SUPT3H: variants seen among roughly 807,000 people sequenced by gnomAD.
SUPT3H encodes the protein SPT3 homolog, SAGA and STAGA complex component.
Under a neutral mutation model 44.3 loss-of-function variants are expected in SUPT3H, and 44 were observed. The observed-to-expected ratio is 0.99, with a 90% CI of 0.78 to 1.28. SUPT3H has a LOEUF of 1.28. Among genes scored for constraint, SUPT3H ranks in the 50% most tolerant of loss-of-function variants. SUPT3H has a pLI of 0.00. For synonymous variants in SUPT3H, 124 were observed against 125.6 expected (o/e 0.99, Z 0.09); for missense variants, 380 against 387.1 (o/e 0.98, Z 0.15).
At chr6:45,231,457 C>G (rs1292939642) in intron 2 of SUPT3H, among the ~76,000 whole-genome samples, 1 of 152,190 alleles carries the variant, frequency 6.6e-6, no homozygotes, top group Non-Finnish European at 1.5e-5. Flanking sequence ...ACTGAGAAAG[C>G]TGCTCTTAGT....
At chr6:45,353,356 G>A (rs1405237330) in intron 2 of SUPT3H, among the ~76,000 whole-genome samples, 3 of 151,984 alleles carry the variant, frequency 2.0e-5, no homozygotes, top group Non-Finnish European at 2.9e-5. Flanking sequence ...AAAAAGAAAA[G>A]TTATGCGGAT....
At chr6:45,024,816 G>A (rs1785711840) in intron 3 of SUPT3H, among the ~76,000 whole-genome samples, 1 of 152,178 alleles carries the variant, frequency 6.6e-6, no homozygotes, top group Non-Finnish European at 1.5e-5. Context: ...ATCAGTTGAA[G>A]ACATGGATAG....
chr6:44,904,866 C>T (rs190008685), intron 10 of SUPT3H, among the ~76,000 whole-genome samples: 2 of 152,126 alleles, frequency 1.3e-5, no homozygotes, highest in East Asian at 3.9e-4. Flanking sequence ...AATAATGCCA[C>T]ATATCTACAA....
intron 10 of SUPT3H, among the ~76,000 whole-genome samples, chr6:44,838,196 A>G (rs1473582149): frequency 3.3e-5 from 5 of 152,236 alleles, no homozygotes; most frequent in Non-Finnish European, 7.3e-5. Flanking sequence ...GATTTTAGCC[A>G]AAAGGCTGAG....
intron 3 of SUPT3H, among the ~76,000 whole-genome samples, chr6:45,053,986 T>A (rs1267753445): frequency 1.3e-5 from 2 of 150,252 alleles, no homozygotes; most frequent in Non-Finnish European, 3.0e-5. Flanking sequence ...AGGTGACAGG[T>A]GAGCTCGCCT....
At chr6:45,318,892 T>C (rs1380457721) in intron 2 of SUPT3H, among the ~76,000 whole-genome samples, 1 of 152,164 alleles carries the variant, frequency 6.6e-6, no homozygotes, top group Non-Finnish European at 1.5e-5. Flanking sequence ...ATTTTCCTAC[T>C]ACATGATCAT....
intron 10 of SUPT3H, among the ~76,000 whole-genome samples, chr6:44,926,332 G>T (rs1273299564): frequency 6.6e-6 from 1 of 151,972 alleles, no homozygotes; most frequent in Non-Finnish European, 1.5e-5. Context: ...GAAAATACCA[G>T]TAGACCTAAC....
chr6:45,036,709 G>T (rs1237693291), intron 3 of SUPT3H, among the ~76,000 whole-genome samples: 1 of 152,130 alleles, frequency 6.6e-6, no homozygotes, highest in Non-Finnish European at 1.5e-5. Flanking sequence ...GTAGATTAAG[G>T]TAGTTTAAGA....
chr6:44,874,872 G>C (rs1339700620), intron 10 of SUPT3H, among the ~76,000 whole-genome samples: 2 of 147,606 alleles, frequency 1.4e-5, no homozygotes, highest in Non-Finnish European at 1.5e-5. Context: ...CAAACAGAGA[G>C]GCAAATCACG....
chr6:45,282,517 G>C (rs920469376), intron 2 of SUPT3H, among the ~76,000 whole-genome samples: 3 of 152,154 alleles, frequency 2.0e-5, no homozygotes, highest in Non-Finnish European at 4.4e-5. Flanking sequence ...GAAATGAAGT[G>C]AGAAGAGAAG....
intron 2 of SUPT3H, among the ~76,000 whole-genome samples, chr6:45,164,202 T>C (rs1306297743): frequency 2.0e-5 from 3 of 152,106 alleles, no homozygotes; most frequent in African/African-American, 7.2e-5. Flanking sequence ...CTGAACGAGT[T>C]TGAATCCCAA....
Position 45,377,884 on chromosome 6 carries a change from G to C in SUPT3H, c.-117C>G, listed in dbSNP as rs896954042. 2.0e-5 allele frequency: 3 copies of C among 153,076 alleles called. No homozygotes were observed. Among genetic ancestry groups the C allele is most frequent in the African/African-American group, 7.2e-5 (3 of 41,444 alleles). The allele number at this position is 153,076 out of a possible 1,614,324, so 9.5% of individuals were successfully genotyped here. A position where few individuals can be genotyped will look rare whatever the true frequency, so the allele number is the denominator to read the frequency against. Reference sequence around the variant, plus strand: ...GGACACGCTTGGAAAGGGGCGGGGTGGGGGACTGAGAGTGTGGAGTGTAGA... The same window carrying C: ...GGACACGCTTGGAAAGGGGCGGGGTCGGGGACTGAGAGTGTGGAGTGTAGA... On this transcript the variant is annotated 5_prime_UTR_variant, in exon 1 of 11. Coordinates refer to ENST00000371459, the MANE Select transcript of SUPT3H (RefSeq NM_003599.4).
chr6:45,300,142 A>T (rs1475023714), intron 2 of SUPT3H, among the ~76,000 whole-genome samples: 1 of 152,230 alleles, frequency 6.6e-6, no homozygotes, highest in Admixed American at 6.5e-5. Context: ...TTAATACTGT[A>T]TACTTCTATT....
chr6:45,154,774 G>C (rs943484929), intron 2 of SUPT3H, among the ~76,000 whole-genome samples: 2 of 152,116 alleles, frequency 1.3e-5, no homozygotes, highest in Non-Finnish European at 2.9e-5. Flanking sequence ...ACCTCATTGG[G>C]TTATTGGGTA....
At chr6:45,235,595 T>C (rs1584416784) in intron 2 of SUPT3H, among the ~76,000 whole-genome samples, 1 of 152,192 alleles carries the variant, frequency 6.6e-6, no homozygotes, top group Non-Finnish European at 1.5e-5. Context: ...CGCGCATTTA[T>C]TTTTAAGTAA....
At chr6:44,935,402 ATTATAC>A (rs1328695784) in intron 9 of SUPT3H, among the ~76,000 whole-genome samples, 2 of 152,198 alleles carry the variant, frequency 1.3e-5, no homozygotes, top group Non-Finnish European at 2.9e-5. Context: ...TGTGAAGAGC[ATTATAC>A]TTATACATCA....
At chr6:45,354,212 A>G (rs1792658293) in intron 2 of SUPT3H, among the ~76,000 whole-genome samples, 1 of 152,190 alleles carries the variant, frequency 6.6e-6, no homozygotes, top group South Asian at 2.1e-4. Flanking sequence ...CATTTTTAAT[A>G]ATAGTGGAAA....
intron 2 of SUPT3H, among the ~76,000 whole-genome samples, chr6:45,310,154 G>A (rs1783720210): frequency 6.6e-6 from 1 of 152,142 alleles, no homozygotes; most frequent in African/African-American, 2.4e-5. Context: ...GCCTGTGATT[G>A]CCGCTTTTCC....
chr6:45,171,713 CTTTT>C lies in SUPT3H; in HGVS notation c.102-65711_102-65708del, dbSNP rs777154020. On this transcript the variant is annotated intron_variant, in intron 2 of 10. Coordinates refer to ENST00000371459, the MANE Select transcript of SUPT3H (RefSeq NM_003599.4). Reference sequence around the variant, plus strand: ...AAGGCATTAACAAAAATTCCACTTGCTTTTTTTTTTTTTTTTTTTTTTTTGACAG... The same window carrying C: ...AAGGCATTAACAAAAATTCCACTTGCTTTTTTTTTTTTTTTTTTTTGACAG... Among the ~76,000 whole-genome samples, 598 of 93,444 alleles carry C rather than the reference CTTTT, an allele frequency of 6.4e-3. 8 individuals carry two copies. Among genetic ancestry groups the C allele is most frequent in the African/African-American group, 0.024 (533 of 22,394 alleles). 61.3% of individuals were successfully genotyped at this position (93,444 alleles called of 152,430 possible). A position where few individuals can be genotyped will look rare whatever the true frequency, so the allele number is the denominator to read the frequency against.
Sources: allele counts gnomAD v4.1 joint callset (sites outside exome capture counted in the v4.1 genomes callset), GRCh38; gene constraint gnomAD v4.1.1; transcripts MANE v1.5; gene names NCBI Gene and HGNC (gene_info 2026-07-23, HGNC 2026-07-21).